The following NDUFB6 variants were observed in gnomAD, a reference collection of about 807,000 sequenced individuals.
NDUFB6 encodes the protein NADH:ubiquinone oxidoreductase subunit B6, also known as NADH dehydrogenase [ubiquinone] 1 beta subcomplex subunit 6.
Under a neutral mutation model 17.5 loss-of-function variants are expected in NDUFB6, and 23 were observed. The ratio of observed to expected loss-of-function variants is 1.31; its 90% CI spans 0.94 to 1.86. The LOEUF is 1.86. Among genes scored for constraint, NDUFB6 ranks in the 40% most tolerant of loss-of-function variants. NDUFB6 has a pLI of 0.00. For missense variants in NDUFB6, 167 were observed against 153.8 expected (o/e 1.09, Z -0.46); for synonymous variants, 60 against 53.5 (o/e 1.12, Z -0.53).
At chr9:32,563,774 G>A (rs987524523) in intron 2 of NDUFB6, among the ~76,000 whole-genome samples, 2 of 152,036 alleles carry the variant, frequency 1.3e-5, no homozygotes, top group East Asian at 3.9e-4. Flanking sequence ...ATTTATATCA[G>A]TTTGCACTCA....
In NDUFB6 at chr9:32,558,893, G is replaced by T. The variant is rs757530534; in HGVS notation, c.318+17C>A. On this transcript the variant is annotated intron_variant, in intron 3 of 3. Transcript: ENST00000379847. The stretch of plus-strand genomic sequence containing the variant: ...AAAACAATAAACAAAAGAAAAATCA[G>T]AAGTGTTAAGACTTACAGGGAATAT... The T allele has an allele frequency of 6.7e-7, 1 of 1,494,672 alleles. No individual in the cohort carries two copies. The highest frequency in any genetic ancestry group is 1.8e-5 in the Admixed American group (1 of 55,468). The allele number at this position is 1,494,672 out of a possible 1,614,324, so 92.6% of individuals were successfully genotyped here. A position where few individuals can be genotyped will look rare whatever the true frequency, so the allele number is the denominator to read the frequency against.
At chr9:32,567,948 G>C (rs549607389) in intron 2 of NDUFB6, 2 of 168,322 alleles carry the variant, frequency 1.2e-5, no homozygotes, top group Admixed American at 6.5e-5. Context: ...TACTTGGTAG[G>C]CTGAGGCAGG....
chr9:32,553,716 T>C lies in NDUFB6; in HGVS notation c.*160A>G, dbSNP rs780674821. 6 of 581,066 alleles carry C rather than the reference T, an allele frequency of 1.0e-5. No individual in the cohort carries two copies. Among genetic ancestry groups the C allele is most frequent in the South Asian group, 4.4e-5 (2 of 45,666 alleles). The allele number at this position is 581,066 out of a possible 1,614,324, so 36.0% of individuals were successfully genotyped here. Reference sequence around the variant, plus strand: ...GTTTAGCATGTCCACTTTTTACTTATTGTTAAATTACTCAGTCTCAAATTG... The same window carrying C: ...GTTTAGCATGTCCACTTTTTACTTACTGTTAAATTACTCAGTCTCAAATTG... On this transcript the variant is annotated 3_prime_UTR_variant, in exon 4 of 4. Coordinates refer to ENST00000379847, the MANE Select transcript of NDUFB6 (RefSeq NM_002493.5).
chr9:32,566,293 A>G, intron 2 of NDUFB6: 2 of 1,149,636 alleles, frequency 1.7e-6, no homozygotes, highest in Non-Finnish European at 2.6e-6. Flanking sequence ...AGCAGGCCAT[A>G]AAAATATTCC....
Position 32,553,199 on chromosome 9 carries a change from C to CTTT in NDUFB6, c.*674_*676dup. On this transcript the variant is annotated 3_prime_UTR_variant, in exon 4 of 4. Transcript: ENST00000379847. ...AATTCTTCAAAAATGATTCGGAAAGCTTTTTTTTTTTTTGAGACGGAGTCT... is the reference window on the plus strand; with the variant it reads ...AATTCTTCAAAAATGATTCGGAAAGCTTTTTTTTTTTTTTTTGAGACGGAGTCT... 8.9e-6 allele frequency: 2 copies of CTTT among 224,936 alleles called. No individual in the cohort carries two copies. The highest frequency in any genetic ancestry group is 2.4e-5 in the African/African-American group (1 of 41,302). The allele number at this position is 224,936 out of a possible 1,614,324, so 13.9% of individuals were successfully genotyped here. A position where few individuals can be genotyped will look rare whatever the true frequency, so the allele number is the denominator to read the frequency against.
At position 32,553,880 on chromosome 9, in the gene NDUFB6, T is replaced by G; in HGVS notation, c.383A>C (p.His128Pro). 6.3e-7 allele frequency: 1 copy of G among 1,576,054 alleles called. No homozygotes were observed. Among genetic ancestry groups the G allele is most frequent in the Non-Finnish European group, 8.7e-7 (1 of 1,146,380 alleles). The change falls in exon 4 of 4, where the codon CAT (histidine) becomes CCT (proline). Residue 128 changes from histidine (H) to proline (P), a missense_variant. By Grantham distance (77) the His-to-Pro change is moderately conservative (BLOSUM62 -2). Transcript: ENST00000379847. ...PPMKEFPDQHH is the reference protein window; with the variant it reads ...PPMKEFPDQHP ...TTTTAACTTTTTACATAATCTTTAA[T>G]GATGTTGATCAGGAAATTCTTTCAT...
intron 3 of NDUFB6, among the ~76,000 whole-genome samples, chr9:32,557,338 AT>A (rs36050969): frequency 0.59 from 86,220 of 145,768 alleles, 25,148 homozygotes; most frequent in Middle Eastern, 0.7. Flanking sequence ...TAATTTTTGT[AT>A]TTTTTTTTTA....
chr9:32,558,542 G>A (rs912720494), intron 3 of NDUFB6, among the ~76,000 whole-genome samples: 11 of 152,184 alleles, frequency 7.2e-5, no homozygotes, highest in African/African-American at 2.7e-4. Context: ...AAATTCAGTT[G>A]CTGTCACCAT....
intron 2 of NDUFB6, among the ~76,000 whole-genome samples, chr9:32,565,997 A>T (rs1821774860): frequency 6.6e-6 from 1 of 151,924 alleles, no homozygotes; most frequent in South Asian, 2.1e-4. Flanking sequence ...ACAAACAATG[A>T]TTCAGAAATG....
intron 2 of NDUFB6, among the ~76,000 whole-genome samples, chr9:32,570,414 CCA>C (rs1821912615): frequency 6.6e-6 from 1 of 152,168 alleles, no homozygotes; most frequent in African/African-American, 2.4e-5. Flanking sequence ...TGCCTGGGAT[CCA>C]ACACCCTGCA....
At chr9:32,556,443 C>T (rs1205519654) in intron 3 of NDUFB6, among the ~76,000 whole-genome samples, 3 of 152,216 alleles carry the variant, frequency 2.0e-5, no homozygotes, top group African/African-American at 7.2e-5. Flanking sequence ...ACCTGATTCA[C>T]AGTAGTCTGT....
intron 2 of NDUFB6, among the ~76,000 whole-genome samples, chr9:32,570,671 C>T (rs1587652632): frequency 6.6e-6 from 1 of 151,968 alleles, no homozygotes; most frequent in Admixed American, 6.6e-5. Context: ...TTCTCCCTTC[C>T]TATTCATGAC....
intron 2 of NDUFB6, among the ~76,000 whole-genome samples, chr9:32,564,611 G>A (rs149825981): frequency 1.3e-5 from 2 of 152,224 alleles, no homozygotes; most frequent in African/African-American, 4.8e-5. Flanking sequence ...TGAGTCCTCT[G>A]TAATCCAGTC....
At position 32,553,764 on chromosome 9, in the gene NDUFB6, G is replaced by T; in HGVS notation, c.*112C>A. On this transcript the variant is annotated 3_prime_UTR_variant, in exon 4 of 4. Transcript: ENST00000379847. The stretch of plus-strand genomic sequence containing the variant: ...TTGTACAATGCTTGAAAACAGATAT[G>T]ACAATTTCTGAGATTAAACTTTATT... The T allele has an allele frequency of 2.7e-6, 2 of 733,314 alleles. No homozygotes were observed. The highest frequency in any genetic ancestry group is 1.6e-5 in the South Asian group (1 of 60,724). The allele number at this position is 733,314 out of a possible 1,614,324, so 45.4% of individuals were successfully genotyped here.
Position 32,570,956 on chromosome 9 carries a change from T to C in NDUFB6, c.273+4A>G. 1.3e-6 allele frequency: 2 copies of C among 1,557,926 alleles called. No individual in the cohort carries two copies. The highest frequency in any genetic ancestry group is 4.6e-5 in the East Asian group (2 of 43,750). ...AAAATGAATTCTGAAAAGGACATAC[T>C]TACAGAAACATGATACTTCATGTAA... On this transcript the variant is annotated splice_donor_region_variant and intron_variant, in intron 2 of 3. Coordinates refer to ENST00000379847, the MANE Select transcript of NDUFB6 (RefSeq NM_002493.5).
intron 3 of NDUFB6, 44 bp from the exon 4 acceptor site, chr9:32,553,988 C>A: frequency 7.9e-7 from 1 of 1,259,056 alleles, no homozygotes; most frequent in Non-Finnish European, 1.2e-6. Context: ...CTTAAGTCTA[C>A]AGAGGTGATA....
intron 2 of NDUFB6, among the ~76,000 whole-genome samples, chr9:32,561,476 T>G (rs555892430): frequency 1.4e-4 from 22 of 152,144 alleles, no homozygotes; most frequent in African/African-American, 5.1e-4. Context: ...TACAGGCACA[T>G]GCCACCAAGC....
intron 3 of NDUFB6, among the ~76,000 whole-genome samples, chr9:32,558,609 C>T (rs1426681899): frequency 6.6e-6 from 1 of 152,154 alleles, no homozygotes; most frequent in East Asian, 1.9e-4. Flanking sequence ...TGAAACAGGA[C>T]ACAGTGAAAA....
At chr9:32,566,158 T>C in intron 2 of NDUFB6, 1 of 700,374 alleles carries the variant, frequency 1.4e-6, no homozygotes, top group East Asian at 2.5e-5. Context: ...TCACTGGCGC[T>C]TTCACACAGG....
Sources: gnomAD v4.1 joint callset for allele counts (sites outside exome capture counted in the v4.1 genomes callset) on GRCh38, gnomAD v4.1.1 for gene constraint, MANE v1.5 for transcripts, NCBI Gene and HGNC (gene_info 2026-07-23, HGNC 2026-07-21) for gene names.